Variants in KCTD3 observed in about 807,000 individuals in gnomAD.
The protein encoded by KCTD3 is BTB/POZ domain-containing protein KCTD3.
In KCTD3, 41 loss-of-function variants were observed where a neutral mutation model predicts 85.8. The observed-to-expected ratio is 0.48, with a 90% CI of 0.37 to 0.62. KCTD3 has a LOEUF of 0.62. Among genes scored for constraint, KCTD3 ranks in the 20% least tolerant of loss-of-function variants. The pLI is 0.00. For missense variants in KCTD3, 724 were observed against 989.9 expected, an observed-to-expected ratio of 0.73 and a Z score of 3.60; for synonymous variants, 338 against 345.4, an observed-to-expected ratio of 0.98 and a Z score of 0.24.
At position 215,620,955 on chromosome 1, in the gene KCTD3, C is replaced by G; in HGVS notation, c.*337C>G. Reference sequence around the variant, plus strand: ...TGAGCATCCCTTTAGATCATGGGAACCAGCAGACTGCATTCCTAATCTTCA... The same window carrying G: ...TGAGCATCCCTTTAGATCATGGGAAGCAGCAGACTGCATTCCTAATCTTCA... On this transcript the variant is annotated 3_prime_UTR_variant, in exon 18 of 18. Coordinates refer to ENST00000259154, the MANE Select transcript of KCTD3 (RefSeq NM_016121.5). 3.6e-6 allele frequency: 1 copy of G among 278,074 alleles called. No individual in the cohort carries two copies. 17.2% of individuals were successfully genotyped at this position (278,074 alleles called of 1,614,324 possible).
intron 1 of KCTD3, among the ~76,000 whole-genome samples, chr1:215,570,995 G>A (rs1016364087): frequency 2.0e-5 from 3 of 152,090 alleles, no homozygotes; most frequent in Non-Finnish European, 4.4e-5. Flanking sequence ...GGGGATGAGG[G>A]TCTAATTCCT....
At chr1:215,596,896 T>C (rs1660433709) in intron 10 of KCTD3, among the ~76,000 whole-genome samples, 1 of 151,948 alleles carries the variant, frequency 6.6e-6, no homozygotes, top group African/African-American at 2.4e-5. Flanking sequence ...AAGTCAAGAG[T>C]GTATATGGGA....
At chr1:215,591,331 CTTCCTTCCTTCCTTCT>C (rs1192516761) in intron 9 of KCTD3, among the ~76,000 whole-genome samples, 28 of 141,608 alleles carry the variant, frequency 2.0e-4, no homozygotes, top group Non-Finnish European at 4.1e-4. Context: ...TCCTTCCTTC[CTTCCTTCCTTCCTTCT>C]CTCTTTCTCT....
chr1:215,588,626 A>T (rs1228537746), intron 9 of KCTD3, among the ~76,000 whole-genome samples: 1 of 152,110 alleles, frequency 6.6e-6, no homozygotes, highest in African/African-American at 2.4e-5. Flanking sequence ...AATTCATATA[A>T]GTTTTCAACA....
At chr1:215,580,774 G>A (rs1659787277) in intron 8 of KCTD3, among the ~76,000 whole-genome samples, 2 of 151,996 alleles carry the variant, frequency 1.3e-5, no homozygotes, top group African/African-American at 4.8e-5. Context: ...AAGAAAAATA[G>A]TCACAATAAG....
intron 12 of KCTD3, 83 bp downstream of exon 12, chr1:215,602,284 C>G (rs1654860853): frequency 2.9e-6 from 2 of 689,544 alleles, no homozygotes; most frequent in Non-Finnish European, 5.0e-6. Context: ...TCAAATTAAA[C>G]TGGTTTATTT....
chr1:215,616,537 G>A (rs1179475267), intron 15 of KCTD3, among the ~76,000 whole-genome samples: 2 of 152,152 alleles, frequency 1.3e-5, no homozygotes, highest in Non-Finnish European at 2.9e-5. Flanking sequence ...GAGGTGGGCG[G>A]ATCACCTGAG....
At chr1:215,569,168 C>T (rs1183933375) in intron 1 of KCTD3, among the ~76,000 whole-genome samples, 3 of 148,648 alleles carry the variant, frequency 2.0e-5, no homozygotes, top group Non-Finnish European at 4.4e-5. Flanking sequence ...TGTCGCCTGG[C>T]TGGAGTGCAG....
intron 9 of KCTD3, among the ~76,000 whole-genome samples, chr1:215,589,588 A>G (rs1239194829): frequency 5.9e-5 from 9 of 152,228 alleles, no homozygotes; most frequent in Non-Finnish European, 8.8e-5. Flanking sequence ...GATTCCCAGA[A>G]GGAAAGAAGG....
At chr1:215,571,622 A>G (rs1659371001) in intron 1 of KCTD3, among the ~76,000 whole-genome samples, 1 of 151,778 alleles carries the variant, frequency 6.6e-6, no homozygotes, top group African/African-American at 2.4e-5. Flanking sequence ...GAAGAAGTGG[A>G]GATAAACTTT....
chr1:215,597,291 C>A (rs894825633), intron 10 of KCTD3, among the ~76,000 whole-genome samples: 2 of 151,382 alleles, frequency 1.3e-5, no homozygotes, highest in Non-Finnish European at 2.9e-5. Flanking sequence ...ATTCCACCCC[C>A]TCGCCCACAC....
intron 10 of KCTD3, among the ~76,000 whole-genome samples, chr1:215,601,063 G>A (rs1052794405): frequency 2.6e-5 from 4 of 151,996 alleles, no homozygotes; most frequent in South Asian, 4.2e-4. Context: ...TCAGCCTCCC[G>A]AGCAGCCGGG....
At chr1:215,601,237 A>C (rs1571890992) in intron 10 of KCTD3, among the ~76,000 whole-genome samples, 1 of 145,756 alleles carries the variant, frequency 6.9e-6, no homozygotes, top group African/African-American at 2.7e-5. Flanking sequence ...TTTGTAAACT[A>C]GATTGATTTT....
rs770452831 is a variant in KCTD3 at position 215,620,531 on chromosome 1, T to C, written c.2361T>C (p.Pro787=). 4 of 1,613,838 alleles carry C rather than the reference T, an allele frequency of 2.5e-6. No homozygotes were observed. The South Asian group carries it at 4.4e-5, about 18-fold the overall frequency. Reference sequence around the variant, plus strand: ...CTTCCGATGGAGGAACTGACTCACCTGGTACTGCGTCCCCATCTCCTACAA... The same window carrying C: ...CTTCCGATGGAGGAACTGACTCACCCGGTACTGCGTCCCCATCTCCTACAA... ...PSTSDGGTDS[P]GTASPSPTKT... is the part of the protein sequence containing the mutation. The change falls in exon 18 of 18, where the codon CCT becomes CCC. Residue 787 remains proline (P), a synonymous_variant. Coordinates refer to ENST00000259154, the MANE Select transcript of KCTD3 (RefSeq NM_016121.5).
chr1:215,606,496 A>G (rs1015729110), intron 13 of KCTD3, among the ~76,000 whole-genome samples: 1 of 152,108 alleles, frequency 6.6e-6, no homozygotes, highest in Non-Finnish European at 1.5e-5. Flanking sequence ...GTTATGAAAT[A>G]AGGCAATTCA....
At chr1:215,589,691 T>C (rs904140010) in intron 9 of KCTD3, among the ~76,000 whole-genome samples, 1 of 152,182 alleles carries the variant, frequency 6.6e-6, no homozygotes, top group Non-Finnish European at 1.5e-5. Context: ...TAGAATTATA[T>C]AGTATTTATT....
intron 9 of KCTD3, 126 bp downstream of exon 9, chr1:215,586,811 A>G (rs1660026501): frequency 1.4e-6 from 1 of 693,966 alleles, no homozygotes; most frequent in Admixed American, 2.9e-5. Flanking sequence ...ACAGTATTTA[A>G]TGTGGGAGGA....
At position 215,578,102 on chromosome 1, in the gene KCTD3, C is replaced by T. The variant is rs376336661; in HGVS notation, c.397+21C>T. On this transcript the variant is annotated intron_variant, in intron 6 of 17. Coordinates refer to ENST00000259154, the MANE Select transcript of KCTD3 (RefSeq NM_016121.5). ...ACCAGGTATTTTCACTTTATTAAAT[C>T]TTTTAAAAAATTCCTTGTATCATTA... is the stretch of plus-strand genomic sequence containing the variant. 2,719 of 1,598,058 alleles carry T rather than the reference C, an allele frequency of 1.7e-3. 3 individuals are homozygous for T. Among genetic ancestry groups the T allele is most frequent in the Non-Finnish European group, 2.2e-3 (2,586 of 1,170,026 alleles).
At chr1:215,573,641 A>G in intron 1 of KCTD3, 145 bp from the exon 2 acceptor site, 1 of 493,472 alleles carries the variant, frequency 2.0e-6, no homozygotes, top group Non-Finnish European at 3.7e-6. Flanking sequence ...AACGTTTAAA[A>G]ATATTAACTG....
Sources: gnomAD v4.1 joint callset for allele counts (sites outside exome capture counted in the v4.1 genomes callset) on GRCh38, gnomAD v4.1.1 for gene constraint, MANE v1.5 for transcripts, NCBI Gene and HGNC (gene_info 2026-07-23, HGNC 2026-07-21) for gene names.